DLGAP2: variants seen among roughly 807,000 people sequenced by gnomAD.
The protein encoded by DLGAP2 is DLG associated protein 2.
A neutral mutation model predicts 100.3 loss-of-function variants in DLGAP2; 26 were observed. The observed-to-expected ratio is 0.26, with a 90% CI of 0.19 to 0.36. The LOEUF is 0.36. Ranked by LOEUF, DLGAP2 falls within the 10% of genes least tolerant of loss-of-function variation. The pLI, the probability that DLGAP2 is intolerant of heterozygous loss-of-function variation, is 1.00. For missense variants in DLGAP2, 1,858 were observed against 1,453.2 expected, an observed-to-expected ratio of 1.28 and a Z score of -4.53; for synonymous variants, 886 against 630.1, an observed-to-expected ratio of 1.41 and a Z score of -6.08.
In DLGAP2 at chr8:1,627,766, C is replaced by G. The variant is rs183024551; in HGVS notation, c.1590+879C>G. Among the ~76,000 whole-genome samples, 391 of 151,870 alleles carry G rather than the reference C, an allele frequency of 2.6e-3. 8 individuals carry two copies. Among genetic ancestry groups the G allele is most frequent in the Admixed American group, 0.024 (366 of 15,166 alleles). ...TGAGCCGACCTCACATTCTCTCTGA[C>G]TTACTGTGGAGCAGGGATTAAGAGC... On this transcript the variant is annotated intron_variant, in intron 7 of 14. Transcript: ENST00000637795.
At chr8:1,430,706 T>C (rs1200059119) in intron 3 of DLGAP2, among the ~76,000 whole-genome samples, 1 of 152,248 alleles carries the variant, frequency 6.6e-6, no homozygotes, top group Non-Finnish European at 1.5e-5. Flanking sequence ...ATTTTAAGTA[T>C]TCTTTTCTAT....
rs1799096399 is a variant in DLGAP2, at chr8:937,402, T to G, written c.73+29436T>G. On this transcript the variant is annotated intron_variant, in intron 2 of 14. Coordinates refer to ENST00000637795, the MANE Select transcript of DLGAP2 (RefSeq NM_001346810.2). ...TCACTGGCTTTCTCCAAAAAAATTT[T>G]TTTAAGAAGCCTATTTTTCCCCATG... is the stretch of plus-strand genomic sequence containing the variant. Among the ~76,000 whole-genome samples the G allele has an allele frequency of 2.6e-5, 4 of 152,236 alleles. No individual in the cohort carries two copies. In the South Asian group the frequency reaches 8.3e-4, roughly 32 times the overall value.
intron 2 of DLGAP2, among the ~76,000 whole-genome samples, chr8:964,992 C>G (rs1342750723): frequency 6.6e-6 from 1 of 151,798 alleles, no homozygotes; most frequent in Non-Finnish European, 1.5e-5. Context: ...CGGCACTGTT[C>G]ACCTCACATG....
chr8:1,526,359 C>A (rs1319442621), intron 4 of DLGAP2, among the ~76,000 whole-genome samples: 1 of 151,992 alleles, frequency 6.6e-6, no homozygotes, highest in Non-Finnish European at 1.5e-5. Context: ...CCCCCACTCA[C>A]AGGGGAGGAA....
chr8:1,283,909 C>A (rs1323836529), intron 3 of DLGAP2, among the ~76,000 whole-genome samples: 2 of 152,212 alleles, frequency 1.3e-5, no homozygotes, highest in Non-Finnish European at 1.5e-5. Flanking sequence ...TATAACATTT[C>A]TGAAAACGTG....
chr8:976,462 A>G (rs780391151), intron 2 of DLGAP2, among the ~76,000 whole-genome samples: 1 of 152,166 alleles, frequency 6.6e-6, no homozygotes, highest in African/African-American at 2.4e-5. Flanking sequence ...ATACAAAAAA[A>G]TTAGCTGGGC....
At position 1,628,060 on chromosome 8, in the gene DLGAP2, A is replaced by T. The variant is rs1436137459; in HGVS notation, c.1590+1173A>T. On this transcript the variant is annotated intron_variant, in intron 7 of 14. Transcript: ENST00000637795. ...GAGCAGGGATTAAGAGCTTGAGCCA[A>T]CCTCACATTCTCTCTGACTTACTGT... 3.3e-5 allele frequency among the ~76,000 whole-genome samples: 4 copies of T among 121,896 alleles called. 1 individual carries two copies. The highest frequency in any genetic ancestry group is 1.5e-4 in the African/African-American group (4 of 26,526). 80.0% of individuals were successfully genotyped at this position (121,896 alleles called of 152,430 possible).
intron 7 of DLGAP2, among the ~76,000 whole-genome samples, chr8:1,627,127 C>G (rs1207100780): frequency 6.6e-6 from 1 of 152,228 alleles, no homozygotes; most frequent in Non-Finnish European, 1.5e-5. Context: ...TCTGAGGAAG[C>G]AATGACCAAA....
intron 2 of DLGAP2, among the ~76,000 whole-genome samples, chr8:1,156,711 C>T (rs1022269120): frequency 1.7e-4 from 26 of 152,020 alleles, no homozygotes; most frequent in African/African-American, 5.8e-4. Context: ...CCCGGCTCAG[C>T]GACCCGGCTC....
intron 3 of DLGAP2, among the ~76,000 whole-genome samples, chr8:1,299,015 G>A (rs1035226508): frequency 6.6e-6 from 1 of 152,228 alleles, no homozygotes. Flanking sequence ...AGCAAAGGTG[G>A]GCAAAGGCTG....
At chr8:789,241 G>T (rs1444016217) in intron 1 of DLGAP2, among the ~76,000 whole-genome samples, 1 of 152,178 alleles carries the variant, frequency 6.6e-6, no homozygotes, top group Non-Finnish European at 1.5e-5. Context: ...GGTTTAATTG[G>T]CTCACGGTTC....
At chr8:1,651,095 C>A (rs1321294107) in intron 8 of DLGAP2, among the ~76,000 whole-genome samples, 2 of 152,112 alleles carry the variant, frequency 1.3e-5, no homozygotes, top group African/African-American at 4.8e-5. Context: ...TGCACTTTCT[C>A]AAACGTACCA....
chr8:797,558 G>A (rs547967534), intron 1 of DLGAP2, among the ~76,000 whole-genome samples: 5 of 152,212 alleles, frequency 3.3e-5, no homozygotes, highest in African/African-American at 9.6e-5. Context: ...TTTCTCTTGG[G>A]TAAATGCTAG....
intron 3 of DLGAP2, among the ~76,000 whole-genome samples, chr8:1,336,790 A>C (rs1197789184): frequency 6.6e-6 from 1 of 152,124 alleles, no homozygotes; most frequent in Non-Finnish European, 1.5e-5. Context: ...TTAATAAACT[A>C]CTTAAGAGCT....
At chr8:1,408,431 C>A (rs963481270) in intron 3 of DLGAP2, among the ~76,000 whole-genome samples, 2 of 140,346 alleles carry the variant, frequency 1.4e-5, no homozygotes, top group South Asian at 2.2e-4. Flanking sequence ...TGGGGCCTTG[C>A]GTAATCTCCA....
At chr8:1,356,257 A>G (rs1014736623) in intron 3 of DLGAP2, among the ~76,000 whole-genome samples, 2 of 152,130 alleles carry the variant, frequency 1.3e-5, no homozygotes, top group Non-Finnish European at 2.9e-5. Context: ...ATGGTGCAGA[A>G]AGCTCACCTG....
chr8:1,085,912 A>G (rs1054026473), intron 2 of DLGAP2, among the ~76,000 whole-genome samples: 1 of 152,130 alleles, frequency 6.6e-6, no homozygotes, highest in African/African-American at 2.4e-5. Flanking sequence ...ACATCCTTCT[A>G]TTTATTTGTA....
intron 2 of DLGAP2, among the ~76,000 whole-genome samples, chr8:1,122,740 C>T (rs146009904): frequency 1.1e-3 from 167 of 152,124 alleles, no homozygotes; most frequent in African/African-American, 3.5e-3. Flanking sequence ...CATTTCCTCC[C>T]TCCCTTCATC....
intron 1 of DLGAP2, among the ~76,000 whole-genome samples, chr8:812,853 A>T (rs946672927): frequency 1.6e-4 from 24 of 152,208 alleles, no homozygotes; most frequent in African/African-American, 5.8e-4. Context: ...AATAGTGGTT[A>T]TCCTAATGCA....
Sources: gnomAD v4.1 joint callset for allele counts (sites outside exome capture counted in the v4.1 genomes callset) on GRCh38, gnomAD v4.1.1 for gene constraint, MANE v1.5 for transcripts, NCBI Gene and HGNC (gene_info 2026-07-23, HGNC 2026-07-21) for gene names.